Variants in ALPK1 observed in about 807,000 individuals in gnomAD.
The protein encoded by ALPK1 is alpha kinase 1, also known as alpha-protein kinase 1.
A neutral mutation model predicts 120.6 loss-of-function variants in ALPK1; 110 were observed. The observed-to-expected ratio is 0.91, with a 90% confidence interval of 0.78 to 1.07. The LOEUF is 1.07. Ranked by LOEUF, ALPK1 falls within the 50% of genes least tolerant of loss-of-function variation. The pLI is 0.00. For synonymous variants in ALPK1, 582 were observed against 560.3 expected (o/e 1.04, Z -0.55); for missense variants, 1,498 against 1,483.9 (o/e 1.01, Z -0.16).
chr4:112,427,857 A>C (rs1734310435), intron 9 of ALPK1, 192 bp downstream of exon 9: 2 of 514,106 alleles, frequency 3.9e-6, no homozygotes, highest in Non-Finnish European at 7.0e-6. Context: ...AGCGCCTAGC[A>C]CTGTAACAGA....
At chr4:112,401,525 A>C (rs1481274722) in intron 4 of ALPK1, among the ~76,000 whole-genome samples, 1 of 152,204 alleles carries the variant, frequency 6.6e-6, no homozygotes, top group Admixed American at 6.5e-5. Flanking sequence ...AGAAGAAGAT[A>C]GTTGGAGAGA....
chr4:112,391,947 G>A (rs1732438493), intron 4 of ALPK1, among the ~76,000 whole-genome samples: 1 of 145,862 alleles, frequency 6.9e-6, no homozygotes, highest in African/African-American at 2.6e-5. Context: ...AGAACAGAAG[G>A]CAAAATAAAC....
intron 1 of ALPK1, among the ~76,000 whole-genome samples, chr4:112,305,111 CT>C (rs1727976478): frequency 6.6e-6 from 1 of 151,986 alleles, no homozygotes; most frequent in Non-Finnish European, 1.5e-5. Flanking sequence ...TGATCTATAT[CT>C]CTGTTTTGGT....
At chr4:112,407,339 A>T (rs9790590) in intron 4 of ALPK1, among the ~76,000 whole-genome samples, 3,144 of 152,292 alleles carry the variant, frequency 0.021, 63 homozygotes, top group South Asian at 0.078. Context: ...AGAAACCAGG[A>T]ACACTGGCTT....
At chr4:112,411,805 A>ATGTTCCACGC (rs1733480762) in intron 4 of ALPK1, 22 bp from the exon 5 acceptor site, 1 of 1,595,278 alleles carries the variant, frequency 6.3e-7, no homozygotes, top group South Asian at 1.1e-5. Context: ...CTGGCTCACG[A>ATGTTCCACGC]TGTTCCACGC....
At chr4:112,359,779 A>G in intron 2 of ALPK1, 1 of 427,484 alleles carries the variant, frequency 2.3e-6, no homozygotes, top group Non-Finnish European at 4.6e-6. Flanking sequence ...GCCTCCAGGA[A>G]GCAGAGCATC....
chr4:112,402,569 C>A (rs1732966592), intron 4 of ALPK1, among the ~76,000 whole-genome samples: 1 of 152,168 alleles, frequency 6.6e-6, no homozygotes, highest in Admixed American at 6.5e-5. Context: ...ACAATTAGAA[C>A]CCCGTTATTT....
At chr4:112,378,195 C>T (rs1289876715) in intron 3 of ALPK1, among the ~76,000 whole-genome samples, 3 of 152,116 alleles carry the variant, frequency 2.0e-5, no homozygotes, top group Non-Finnish European at 4.4e-5. Context: ...GGCTGGTGCA[C>T]GTAAATTTCA....
chr4:112,378,990 T>A lies in ALPK1; in HGVS notation c.121+1092T>A, dbSNP rs115091670. Reference sequence around the variant, plus strand: ...CATGTGCCTGTCAGCCTGAGATCACTCTCACAGATGTCAGCCTTTGTCAGG... The same window carrying A: ...CATGTGCCTGTCAGCCTGAGATCACACTCACAGATGTCAGCCTTTGTCAGG... On this transcript the variant is annotated intron_variant, in intron 3 of 15. Coordinates refer to ENST00000650871, the MANE Select transcript of ALPK1 (RefSeq NM_025144.4). Among the ~76,000 whole-genome samples the A allele has an allele frequency of 7.9e-3, 1,208 of 152,356 alleles. 21 individuals are homozygous for A. Among genetic ancestry groups the A allele is most frequent in the African/African-American group, 0.028 (1,150 of 41,578 alleles).
At chr4:112,436,284 T>G (rs56145558) in intron 12 of ALPK1, among the ~76,000 whole-genome samples, 1 of 132,956 alleles carries the variant, frequency 7.5e-6, no homozygotes, top group Non-Finnish European at 1.6e-5. Context: ...CAAAACCCTC[T>G]GAGGGTAGAT....
intron 2 of ALPK1, among the ~76,000 whole-genome samples, chr4:112,318,981 T>G (rs7658770): frequency 0.44 from 66,784 of 152,080 alleles, 16,743 homozygotes; most frequent in African/African-American, 0.67. Context: ...CAGGAGTTTG[T>G]GTTTCATCCT....
At chr4:112,378,278 C>T (rs143321407) in intron 3 of ALPK1, among the ~76,000 whole-genome samples, 3,454 of 152,250 alleles carry the variant, frequency 0.023, 47 homozygotes, top group Admixed American at 0.032. Flanking sequence ...TTTGCCTCAT[C>T]GGTTTCCATA....
chr4:112,328,923 G>T (rs1358501822), intron 2 of ALPK1, among the ~76,000 whole-genome samples: 104 of 152,250 alleles, frequency 6.8e-4, no homozygotes, highest in Non-Finnish European at 2.4e-4. Flanking sequence ...AGAGAGCCTC[G>T]CAGCTTGTGG....
At chr4:112,364,234 A>AAT (rs1336708140) in intron 2 of ALPK1, among the ~76,000 whole-genome samples, 2 of 151,544 alleles carry the variant, frequency 1.3e-5, no homozygotes, top group South Asian at 2.1e-4. Context: ...AATTAAATTA[A>AAT]ATATATATAT....
intron 4 of ALPK1, among the ~76,000 whole-genome samples, chr4:112,395,621 T>C (rs1732614504): frequency 6.6e-6 from 1 of 152,244 alleles, no homozygotes; most frequent in Non-Finnish European, 1.5e-5. Context: ...AAAGATTAAA[T>C]GAATACTTTA....
At chr4:112,411,020 G>A (rs1260111842) in intron 4 of ALPK1, 2 of 154,910 alleles carry the variant, frequency 1.3e-5, no homozygotes, top group Admixed American at 1.3e-4. Context: ...CGTCATTTAC[G>A]TATGAGAGAG....
chr4:112,432,440 A>G lies in ALPK1; in HGVS notation c.2893A>G (p.Met965Val). 6.2e-7 allele frequency: 1 copy of G among 1,614,178 alleles called. No homozygotes were observed. The highest frequency in any genetic ancestry group is 1.3e-5 in the African/African-American group (1 of 75,048). ...TTCTTGGGTTTCATTGCCGGGAAAGATGAGGAAAGAGATCCTTGAGGCTCG... is the reference window on the plus strand; with the variant it reads ...TTCTTGGGTTTCATTGCCGGGAAAGGTGAGGAAAGAGATCCTTGAGGCTCG... Reference protein sequence around the residue: ...GSSWVSLPGKMRKEILEARTL... With the variant: ...GSSWVSLPGKVRKEILEARTL... Residue 965 changes from methionine (M) to valine (V), a missense_variant, in exon 11 of 16, where the codon ATG becomes GTG. Met to Val is a conservative substitution (Grantham distance 21). Transcript: ENST00000650871.
chr4:112,381,171 C>T (rs1389091890), intron 3 of ALPK1, among the ~76,000 whole-genome samples: 1 of 152,176 alleles, frequency 6.6e-6, no homozygotes, highest in African/African-American at 2.4e-5. Context: ...GACAATAATT[C>T]AGGCAAGAAT....
chr4:112,411,729 G>A, intron 4 of ALPK1, 98 bp from the exon 5 acceptor site: 3 of 1,176,272 alleles, frequency 2.6e-6, no homozygotes, highest in Non-Finnish European at 2.4e-6. Flanking sequence ...CTAGCTGTGG[G>A]TTTTGTTGTA....
Sources: gnomAD v4.1 joint callset for allele counts (sites outside exome capture counted in the v4.1 genomes callset) on GRCh38, gnomAD v4.1.1 for gene constraint, MANE v1.5 for transcripts, NCBI Gene and HGNC (gene_info 2026-07-23, HGNC 2026-07-21) for gene names.